Variants in GCNT2 observed in about 807,000 individuals in gnomAD.
The protein encoded by GCNT2 is N-acetyllactosaminide beta-1,6-N-acetylglucosaminyl-transferase.
Under a neutral mutation model 34.2 loss-of-function variants are expected in GCNT2, and 34 were observed. The observed-to-expected ratio is 1.00, with a 90% CI of 0.76 to 1.32. The LOEUF is 1.32. GCNT2 is among the 40% of genes most tolerant of loss of function. GCNT2 has a pLI of 0.00. For missense variants in GCNT2, 584 were observed against 489.4 expected (o/e 1.19, Z -1.82); for synonymous variants, 212 against 188.0 (o/e 1.13, Z -1.04).
intron 4 of GCNT2, among the ~76,000 whole-genome samples, chr6:10,622,520 A>G (rs1766078030): frequency 6.6e-6 from 1 of 151,956 alleles, no homozygotes; most frequent in Non-Finnish European, 1.5e-5. Context: ...TCTCATTTTA[A>G]TTTAATTACC....
At chr6:10,575,182 A>C (rs752118364) in intron 3 of GCNT2, 12 of 403,726 alleles carry the variant, frequency 3.0e-5, no homozygotes, top group Non-Finnish European at 5.7e-5. Flanking sequence ...AAAGGCTTAG[A>C]GAACATACAT....
intron 3 of GCNT2, among the ~76,000 whole-genome samples, chr6:10,536,277 G>C (rs1173565498): frequency 1.3e-5 from 2 of 152,172 alleles, no homozygotes; most frequent in Non-Finnish European, 2.9e-5. Context: ...AGGGGAGGAA[G>C]ATTTGGGGAT....
intron 3 of GCNT2, among the ~76,000 whole-genome samples, chr6:10,610,516 G>A (rs752382441): frequency 6.6e-6 from 1 of 152,154 alleles, no homozygotes; most frequent in Non-Finnish European, 1.5e-5. Context: ...GCCAAGGATT[G>A]CCTATGTTTC....
intron 3 of GCNT2, among the ~76,000 whole-genome samples, chr6:10,567,635 C>G (rs1029359498): frequency 6.6e-6 from 1 of 152,130 alleles, no homozygotes; most frequent in African/African-American, 2.4e-5. Context: ...ATGTATTGAA[C>G]AGCTAATAAT....
intron 3 of GCNT2, among the ~76,000 whole-genome samples, chr6:10,607,965 GA>G (rs1765395548): frequency 6.6e-6 from 1 of 151,676 alleles, no homozygotes; most frequent in Non-Finnish European, 1.5e-5. Context: ...TTAGGTTCGA[GA>G]ACTTGCTTAG....
chr6:10,576,312 A>G (rs1763808593), intron 3 of GCNT2, among the ~76,000 whole-genome samples: 1 of 152,238 alleles, frequency 6.6e-6, no homozygotes, highest in Non-Finnish European at 1.5e-5. Flanking sequence ...GCACCTCAAC[A>G]GCAGGGTTGA....
intron 3 of GCNT2, among the ~76,000 whole-genome samples, chr6:10,619,911 C>A (rs1055243619): frequency 6.6e-6 from 1 of 152,214 alleles, no homozygotes; most frequent in African/African-American, 2.4e-5. Context: ...CTTCCCCCAT[C>A]TTCAAACAGC....
intron 3 of GCNT2, among the ~76,000 whole-genome samples, chr6:10,551,503 C>T (rs1013397948): frequency 2.0e-5 from 3 of 147,642 alleles, no homozygotes; most frequent in African/African-American, 2.5e-5. Flanking sequence ...TGGAGTGCAA[C>T]GGCACGATTT....
At chr6:10,608,071 C>T (rs1028826698) in intron 3 of GCNT2, among the ~76,000 whole-genome samples, 1 of 145,424 alleles carries the variant, frequency 6.9e-6, no homozygotes, top group Non-Finnish European at 1.5e-5. Flanking sequence ...AAATGGTATG[C>T]ACTTTTTTTT....
At chr6:10,555,947 C>T in intron 3 of GCNT2, 1 of 1,018,298 alleles carries the variant, frequency 9.8e-7, no homozygotes, top group Non-Finnish European at 1.2e-6. Flanking sequence ...CAGCCGCCTG[C>T]TAGGGGACTA....
In GCNT2 at chr6:10,543,132, G is replaced by A. The variant is rs1561788378; in HGVS notation, c.925+13296G>A. Among the ~76,000 whole-genome samples the A allele has an allele frequency of 1.3e-5, 2 of 150,754 alleles. 1 individual carries two copies. Among genetic ancestry groups the A allele is most frequent in the South Asian group, 4.2e-4 (2 of 4,786 alleles). ...CATGTTGGCTAGGCTGGTCTCAAAC[G>A]CCTGACCTCAAGTAATCCACCAGCC... On this transcript the variant is annotated intron_variant, in intron 3 of 4. Coordinates refer to ENST00000495262, the MANE Select transcript of GCNT2 (RefSeq NM_145649.5).
In GCNT2 at chr6:10,528,854, T is replaced by C. The variant is rs557441; in HGVS notation, c.-58T>C. On this transcript the variant is annotated 5_prime_UTR_variant, in exon 3 of 5. Transcript: ENST00000495262. ...ACCTGGAGAAAATGTAAGTTAAATA[T>C]ATCTACACTCTGATCCTATCTCAAG... 99,760 of 1,347,906 alleles carry C rather than the reference T, an allele frequency of 0.074. 4,143 individuals are homozygous for C. Among genetic ancestry groups the C allele is most frequent in the African/African-American group, 0.11 (7,572 of 69,798 alleles). 83.5% of individuals were successfully genotyped at this position (1,347,906 alleles called of 1,614,324 possible). A position where few individuals can be genotyped will look rare whatever the true frequency, so the allele number is the denominator to read the frequency against.
intron 3 of GCNT2, among the ~76,000 whole-genome samples, chr6:10,591,780 A>G (rs1389289884): frequency 2.0e-5 from 3 of 152,232 alleles, no homozygotes; most frequent in Non-Finnish European, 2.9e-5. Context: ...AACCAAGACT[A>G]TAAGAATATG....
intron 3 of GCNT2, among the ~76,000 whole-genome samples, chr6:10,611,962 C>G (rs1165480092): frequency 6.6e-6 from 1 of 151,688 alleles, no homozygotes; most frequent in Non-Finnish European, 1.5e-5. Context: ...ATTTCATATT[C>G]TGGTGTTTTT....
At position 10,547,066 on chromosome 6, in the gene GCNT2, A is replaced by G. The variant is rs534142362; in HGVS notation, c.925+17230A>G. Among the ~76,000 whole-genome samples the G allele has an allele frequency of 7.2e-5, 11 of 152,312 alleles. No individual in the cohort carries two copies. The South Asian group carries it at 2.3e-3, about 32-fold the overall frequency. The stretch of plus-strand genomic sequence containing the variant: ...TATTTTAAACTAGTTCAAACTTACT[A>G]TACTTAACAAGAATAGTATAAAGAG... On this transcript the variant is annotated intron_variant, in intron 3 of 4. Coordinates refer to ENST00000495262, the MANE Select transcript of GCNT2 (RefSeq NM_145649.5).
At chr6:10,596,631 A>G (rs998581721) in intron 3 of GCNT2, among the ~76,000 whole-genome samples, 2 of 151,914 alleles carry the variant, frequency 1.3e-5, no homozygotes, top group Non-Finnish European at 1.5e-5. Context: ...CTGGTATCCC[A>G]CTGTATGGTT....
chr6:10,547,511 T>C (rs1226155896), intron 3 of GCNT2, among the ~76,000 whole-genome samples: 1 of 152,244 alleles, frequency 6.6e-6, no homozygotes. Context: ...ATTTAGGTTA[T>C]ACCTTTTGGG....
chr6:10,537,345 C>G (rs777791543), intron 3 of GCNT2, among the ~76,000 whole-genome samples: 2 of 152,092 alleles, frequency 1.3e-5, no homozygotes, highest in Admixed American at 6.6e-5. Flanking sequence ...AGATGCTCTT[C>G]GACTTACAGC....
intron 3 of GCNT2, among the ~76,000 whole-genome samples, chr6:10,541,498 G>A (rs1762035983): frequency 6.6e-6 from 1 of 152,174 alleles, no homozygotes; most frequent in Non-Finnish European, 1.5e-5. Flanking sequence ...CTTTATGACA[G>A]AATGATTTAT....
Sources: gnomAD v4.1 joint callset for allele counts (sites outside exome capture counted in the v4.1 genomes callset) on GRCh38, gnomAD v4.1.1 for gene constraint, MANE v1.5 for transcripts, NCBI Gene and HGNC (gene_info 2026-07-23, HGNC 2026-07-21) for gene names.